Variants in NADK observed in about 807,000 individuals in gnomAD.
The protein encoded by NADK is poly(P)/ATP NAD kinase.
Under a neutral mutation model 49.8 loss-of-function variants are expected in NADK, and 22 were observed. The observed-to-expected ratio is 0.44, with a 90% CI of 0.32 to 0.63. The LOEUF (loss-of-function observed/expected upper bound fraction) is 0.63. Among genes scored for constraint, NADK ranks in the 30% least tolerant of loss-of-function variants. NADK has a pLI of 0.06. For missense variants in NADK, 438 were observed against 609.4 expected, an observed-to-expected ratio of 0.72 and a Z score of 2.96; for synonymous variants, 268 against 253.7, an observed-to-expected ratio of 1.06 and a Z score of -0.54.
At chr1:1,756,739 G>T in intron 4 of NADK, 131 bp from the exon 5 acceptor site, 2 of 1,518,650 alleles carry the variant, frequency 1.3e-6, no homozygotes, top group Non-Finnish European at 9.0e-7. Context: ...CCACGCTCAC[G>T]CTGAAACTTC....
intron 3 of NADK, 62 bp downstream of exon 3, chr1:1,761,890 C>T (rs546937228): frequency 2.0e-6 from 3 of 1,516,230 alleles, no homozygotes; most frequent in African/African-American, 2.7e-5. Context: ...CCGGCACTCA[C>T]ATGATGGTCT....
At chr1:1,753,535 A>C in intron 11 of NADK, 32 bp downstream of exon 11, 1 of 1,590,828 alleles carries the variant, frequency 6.3e-7, no homozygotes, top group Non-Finnish European at 8.6e-7. Flanking sequence ...GGAGGTTGGC[A>C]GGCAGCGCCC....
At chr1:1,771,042 TA>T (rs34422935) in intron 1 of NADK, among the ~76,000 whole-genome samples, 23,342 of 129,876 alleles carry the variant, frequency 0.18, 1,918 homozygotes, top group Admixed American at 0.23. Flanking sequence ...TTTCATCTTA[TA>T]AAAAAAAAAA....
chr1:1,756,495 C>T lies in NADK; in HGVS notation c.499+8G>A, dbSNP rs376338323. 1 of 1,613,984 alleles carries T rather than the reference C, an allele frequency of 6.2e-7. No individual in the cohort carries two copies. The highest frequency in any genetic ancestry group is 1.6e-4 in the Middle Eastern group (1 of 6,062). Reference sequence around the variant, plus strand: ...GAGAAACCAAGGACAGAGCTGCTGACAGCCCACCTTCTCGAAAGGTACAGA... The same window carrying T: ...GAGAAACCAAGGACAGAGCTGCTGATAGCCCACCTTCTCGAAAGGTACAGA... On this transcript the variant is annotated splice_region_variant and intron_variant, in intron 5 of 11. Coordinates refer to ENST00000341426, the MANE Select transcript of NADK (RefSeq NM_023018.5).
At chr1:1,765,542 A>G in intron 1 of NADK, 96 bp from the exon 2 acceptor site, 1 of 599,630 alleles carries the variant, frequency 1.7e-6, no homozygotes, top group Non-Finnish European at 2.6e-6. Flanking sequence ...CATCAAGGGG[A>G]AAAAATGGCT....
At chr1:1,766,971 G>C (rs1053929750) in intron 1 of NADK, among the ~76,000 whole-genome samples, 1 of 151,750 alleles carries the variant, frequency 6.6e-6, no homozygotes, top group Non-Finnish European at 1.5e-5. Context: ...CTGGAGTGCA[G>C]TGGTGTGATC....
upstream of NADK, chr1:1,780,036 A>C (rs1646324600): frequency 6.6e-6 from 1 of 152,264 alleles, no homozygotes; most frequent in South Asian, 2.1e-4. Flanking sequence ...GTGACTGGAA[A>C]GGGAAGCAAG....
rs915791674 is a variant in NADK at position 1,754,492 on chromosome 1, C to T, written c.843+52G>A. ...TCCGGAAGGTCCTCATCCCTGGGACCGAAGTCGCCCCACCCTGGGCCCCTC... is the reference window on the plus strand; with the variant it reads ...TCCGGAAGGTCCTCATCCCTGGGACTGAAGTCGCCCCACCCTGGGCCCCTC... On this transcript the variant is annotated intron_variant, in intron 8 of 11. Transcript: ENST00000341426. The surrounding 1 kb of genome is among the most constrained non-coding windows in gnomAD (Gnocchi z 4.3). The T allele has an allele frequency of 6.2e-5, 29 of 468,270 alleles. No homozygotes were observed. The highest frequency in any genetic ancestry group is 2.7e-4 in the Admixed American group (3 of 11,068). The allele number at this position is 468,270 out of a possible 1,614,324, so 29.0% of individuals were successfully genotyped here.
At chr1:1,756,724 C>T in intron 4 of NADK, 116 bp from the exon 5 acceptor site, 2 of 1,534,272 alleles carry the variant, frequency 1.3e-6, no homozygotes, top group East Asian at 2.3e-5. Context: ...TGCATGCCCG[C>T]CCCCCCACGC....
upstream of NADK, chr1:1,778,679 C>A (rs993962749): frequency 6.6e-6 from 1 of 151,792 alleles, no homozygotes; most frequent in Non-Finnish European, 1.5e-5. This position sits in a 1 kb window ranked among gnomAD's most constrained non-coding sequence, Gnocchi z 4.9. Context: ...GGGCGGGCGT[C>A]CGCGACTCGG....
intron 1 of NADK, among the ~76,000 whole-genome samples, chr1:1,773,118 A>G (rs1277723584): frequency 6.6e-6 from 1 of 151,322 alleles, no homozygotes; most frequent in Non-Finnish European, 1.5e-5. Flanking sequence ...TATTTTTACA[A>G]CTTCCTATGA....
intron 1 of NADK, among the ~76,000 whole-genome samples, chr1:1,771,055 A>AAAT (rs771570019): frequency 5.7e-4 from 75 of 132,070 alleles, no homozygotes; most frequent in African/African-American, 1.2e-3. Context: ...AAAAAAAAAA[A>AAAT]ATATATATAT....
chr1:1,770,836 G>T (rs758478302), intron 1 of NADK, among the ~76,000 whole-genome samples: 3 of 151,762 alleles, frequency 2.0e-5, no homozygotes, highest in Non-Finnish European at 4.4e-5. Flanking sequence ...ATCACCTGAG[G>T]TCAGGAGTTT....
intron 1 of NADK, among the ~76,000 whole-genome samples, chr1:1,766,380 T>C (rs1645885033): frequency 1.8e-5 from 2 of 111,564 alleles, no homozygotes; most frequent in African/African-American, 3.5e-5. Context: ...CACTCCAGCC[T>C]GGGCAACAAG....
intron 1 of NADK, among the ~76,000 whole-genome samples, chr1:1,767,262 T>G (rs370301304): frequency 5.3e-5 from 8 of 152,100 alleles, no homozygotes; most frequent in Non-Finnish European, 5.9e-5. Context: ...CAGGAAGAGA[T>G]AGAAACAAAG....
chr1:1,759,033 G>A, intron 3 of NADK: 1 of 1,448,660 alleles, frequency 6.9e-7, no homozygotes, highest in Non-Finnish European at 9.1e-7. Flanking sequence ...CTCCGGCCTG[G>A]TCAGCCAGCA....
At chr1:1,779,667 T>TTTG (rs1646314789), upstream of NADK, among the ~76,000 whole-genome samples, 21 of 148,592 alleles carry the variant, frequency 1.4e-4, no homozygotes, top group African/African-American at 2.2e-4. Flanking sequence ...ATATATATAT[T>TTTG]TGTGTGTGTG....
intron 1 of NADK, among the ~76,000 whole-genome samples, chr1:1,767,197 G>A (rs565413962): frequency 3.3e-5 from 5 of 152,164 alleles, no homozygotes; most frequent in Non-Finnish European, 5.9e-5. Context: ...GATTACAGGC[G>A]TAAGCCACCA....
chr1:1,755,736 G>A (rs1390207632), intron 6 of NADK, among the ~76,000 whole-genome samples: 1 of 152,194 alleles, frequency 6.6e-6, no homozygotes, highest in Non-Finnish European at 1.5e-5. Context: ...CGGAGGGCTG[G>A]GGGAGCTGGC....
Sources: gnomAD v4.1 joint callset for allele counts (sites outside exome capture counted in the v4.1 genomes callset) on GRCh38, gnomAD v4.1.1 for gene constraint, Gnocchi (gnomAD v3.1) non-coding constraint, MANE v1.5 for transcripts, NCBI Gene and HGNC (gene_info 2026-07-23, HGNC 2026-07-21) for gene names.